JAKMIP1: variants seen among roughly 807,000 people sequenced by gnomAD.
JAKMIP1 encodes the protein janus kinase and microtubule-interacting protein 1.
Under a neutral mutation model 113.0 loss-of-function variants are expected in JAKMIP1, and 33 were observed. The observed-to-expected ratio is 0.29, with a 90% CI of 0.22 to 0.39. The LOEUF (loss-of-function observed/expected upper bound fraction) is 0.39. Among genes scored for constraint, JAKMIP1 ranks in the 10% least tolerant of loss-of-function variants. The pLI, the probability that JAKMIP1 is intolerant of heterozygous loss-of-function variation, is 1.00. For missense variants in JAKMIP1, 813 were observed against 1,080.5 expected (o/e 0.75, Z 3.47); for synonymous variants, 480 against 459.9 (o/e 1.04, Z -0.56).
intron 3 of JAKMIP1, among the ~76,000 whole-genome samples, chr4:6,098,580 A>AAGAAAG (rs1712292994): frequency 6.8e-6 from 1 of 147,366 alleles, no homozygotes; most frequent in Non-Finnish European, 1.5e-5. Flanking sequence ...GAAAGAAAGA[A>AAGAAAG]AGAAGGAAAG....
At chr4:6,090,735 G>T (rs1007758119) in intron 3 of JAKMIP1, among the ~76,000 whole-genome samples, 4 of 151,958 alleles carry the variant, frequency 2.6e-5, no homozygotes, top group Admixed American at 2.0e-4. Context: ...TGTTGACCGT[G>T]ACTGCCTTAA....
chr4:6,060,670 G>A (rs1225750478), intron 10 of JAKMIP1, among the ~76,000 whole-genome samples, 163 bp from the exon 11 acceptor site: 2 of 152,230 alleles, frequency 1.3e-5, no homozygotes, highest in African/African-American at 4.8e-5. Flanking sequence ...CCTACTAGAA[G>A]CATGGCTCAG....
intron 1 of JAKMIP1, among the ~76,000 whole-genome samples, chr4:6,163,346 C>T (rs1378140561): frequency 6.6e-6 from 1 of 152,202 alleles, no homozygotes; most frequent in Non-Finnish European, 1.5e-5. Context: ...CATTTTCCAT[C>T]ATGGTGATCT....
chr4:6,068,313 C>T (rs535666323), intron 8 of JAKMIP1, among the ~76,000 whole-genome samples: 3 of 152,146 alleles, frequency 2.0e-5, no homozygotes, highest in Non-Finnish European at 2.9e-5. Context: ...GTGGAGCCCC[C>T]GACAGTATCA....
At chr4:6,159,758 C>A (rs1369342339) in intron 1 of JAKMIP1, among the ~76,000 whole-genome samples, 2 of 152,192 alleles carry the variant, frequency 1.3e-5, no homozygotes, top group African/African-American at 2.4e-5. Flanking sequence ...TGCCGCTGGG[C>A]AATTTCTATT....
chr4:6,156,239 C>G lies in JAKMIP1; in HGVS notation c.-147-43242G>C, dbSNP rs1560289934. Reference sequence around the variant, plus strand: ...CCAGCCCTCGGAAGTGGCCCGCCAACACAGGAACAAGCGAATGCCACTGTA... The same window carrying G: ...CCAGCCCTCGGAAGTGGCCCGCCAAGACAGGAACAAGCGAATGCCACTGTA... On this transcript the variant is annotated intron_variant, in intron 1 of 20. Coordinates refer to ENST00000409021, the MANE Select transcript of JAKMIP1 (RefSeq NM_001099433.2). The surrounding 1 kb of genome is among the most constrained non-coding windows in gnomAD (Gnocchi z 5.0). Among the ~76,000 whole-genome samples the G allele has an allele frequency of 6.6e-6, 1 of 152,342 alleles. No individual in the cohort carries two copies. Among genetic ancestry groups the G allele is most frequent in the East Asian group, 1.9e-4 (1 of 5,184 alleles).
At chr4:6,165,922 C>G (rs1206531505) in intron 1 of JAKMIP1, among the ~76,000 whole-genome samples, 1 of 152,112 alleles carries the variant, frequency 6.6e-6, no homozygotes, top group East Asian at 1.9e-4. Context: ...CACTCCACCC[C>G]AAGGCTCTAG....
chr4:6,028,717 C>T (rs752752293), intron 20 of JAKMIP1, among the ~76,000 whole-genome samples: 1 of 152,336 alleles, frequency 6.6e-6, no homozygotes, highest in South Asian at 2.1e-4. Flanking sequence ...AGGGCTGATC[C>T]CACAGTGTCC....
Position 6,178,131 on chromosome 4 carries a change from A to T in JAKMIP1, c.-148+22122T>A, listed in dbSNP as rs1472641031. 6.6e-6 allele frequency among the ~76,000 whole-genome samples: 1 copy of T among 152,236 alleles called. No individual in the cohort carries two copies. Among genetic ancestry groups the T allele is most frequent in the African/African-American group, 2.4e-5 (1 of 41,468 alleles). On this transcript the variant is annotated intron_variant, in intron 1 of 20. Coordinates refer to ENST00000409021, the MANE Select transcript of JAKMIP1 (RefSeq NM_001099433.2). The surrounding 1 kb of genome is among the most constrained non-coding windows in gnomAD (Gnocchi z 5.5). Reference sequence around the variant, plus strand: ...CCTCCCTGGAGGGGAGGGATAGGAAAGAAGGAAACAGAAGCCCAAGGCTTT... The same window carrying T: ...CCTCCCTGGAGGGGAGGGATAGGAATGAAGGAAACAGAAGCCCAAGGCTTT...
chr4:6,174,694 G>A (rs764333144), intron 1 of JAKMIP1, among the ~76,000 whole-genome samples: 30 of 152,030 alleles, frequency 2.0e-4, no homozygotes, highest in Non-Finnish European at 3.5e-4. Context: ...AACACGCTCC[G>A]TTACCCCAGG....
chr4:6,056,770 G>A lies in JAKMIP1; in HGVS notation c.1645-11C>T, dbSNP rs16838131. The A allele has an allele frequency of 4.4e-3, 7,085 of 1,592,416 alleles. 206 individuals carry two copies. The African/African-American group carries it at 0.074, about 17-fold the overall frequency. ...AACCCACTTGGAATCCTAAGGAAAA[G>A]TACTAAATATGGTCACATTCATGGA... On this transcript the variant is annotated splice_polypyrimidine_tract_variant and intron_variant, in intron 11 of 20. Transcript: ENST00000409021.
chr4:6,169,995 C>T (rs111528949), intron 1 of JAKMIP1, among the ~76,000 whole-genome samples: 57 of 97,240 alleles, frequency 5.9e-4, no homozygotes, highest in Non-Finnish European at 4.2e-4. Flanking sequence ...CCACCACCAC[C>T]ACCACCACCA....
At chr4:6,077,725 C>T (rs1333583549) in intron 8 of JAKMIP1, among the ~76,000 whole-genome samples, 6 of 152,020 alleles carry the variant, frequency 3.9e-5, no homozygotes, top group Admixed American at 3.9e-4. Context: ...CTCAAGCGAT[C>T]CACCCACCCT....
chr4:6,141,629 C>T lies in JAKMIP1; in HGVS notation c.-147-28632G>A, dbSNP rs1425189670. 6.6e-6 allele frequency among the ~76,000 whole-genome samples: 1 copy of T among 152,312 alleles called. No homozygotes were observed. The highest frequency in any genetic ancestry group is 2.4e-5 in the African/African-American group (1 of 41,576). The stretch of plus-strand genomic sequence containing the variant: ...GCCTGTGAATGCCCTTTCTCCTCCA[C>T]TCCCAAATCCACATGATTCTCCATC... On this transcript the variant is annotated intron_variant, in intron 1 of 20. Coordinates refer to ENST00000409021, the MANE Select transcript of JAKMIP1 (RefSeq NM_001099433.2). The surrounding 1 kb of genome is among the most constrained non-coding windows in gnomAD (Gnocchi z 9.4).
intron 1 of JAKMIP1, among the ~76,000 whole-genome samples, chr4:6,170,912 GCCA>G (rs1724540684): frequency 9.3e-6 from 1 of 106,976 alleles, no homozygotes; most frequent in Non-Finnish European, 2.0e-5. Context: ...CACCATCACC[GCCA>G]CCACCTTTCT....
chr4:6,132,859 T>C (rs1718700315), intron 1 of JAKMIP1, among the ~76,000 whole-genome samples: 1 of 152,138 alleles, frequency 6.6e-6, no homozygotes, highest in African/African-American at 2.4e-5. Context: ...TTTGTTTCTG[T>C]GCTACAAGAA....
chr4:6,056,568 G>T lies in JAKMIP1; in HGVS notation c.1707+129C>A. On this transcript the variant is annotated intron_variant, in intron 12 of 20. Coordinates refer to ENST00000409021, the MANE Select transcript of JAKMIP1 (RefSeq NM_001099433.2). ...GAAGACATCTCTCCTCATGGGAGGT[G>T]TGCAGGACCCGAGGCCCTGGTCACT... The T allele has an allele frequency of 5.6e-6, 4 of 714,424 alleles. No homozygotes were observed. In the Admixed American group the frequency reaches 7.9e-5, roughly 14 times the overall value. 44.3% of individuals were successfully genotyped at this position (714,424 alleles called of 1,614,324 possible).
In JAKMIP1 at chr4:6,116,715, C is replaced by T. The variant is rs529965069; in HGVS notation, c.-147-3718G>A. 3.1e-4 allele frequency among the ~76,000 whole-genome samples: 47 copies of T among 152,258 alleles called. No individual in the cohort carries two copies. The highest frequency in any genetic ancestry group is 1.1e-3 in the African/African-American group (46 of 41,556). On this transcript the variant is annotated intron_variant, in intron 1 of 20. Coordinates refer to ENST00000409021, the MANE Select transcript of JAKMIP1 (RefSeq NM_001099433.2). The surrounding 1 kb of genome is among the most constrained non-coding windows in gnomAD (Gnocchi z 5.1). ...TAACTGCCTACAGGAAATTAATATA[C>T]CGGGCATGCAGGAGGACCAGACAAG... is the stretch of plus-strand genomic sequence containing the variant.
In JAKMIP1 at chr4:6,048,902, C is replaced by T; in HGVS notation, c.1983G>A (p.Gln661=). The T allele has an allele frequency of 6.2e-7, 1 of 1,613,956 alleles. No individual in the cohort carries two copies. Residue 661 remains glutamine (Q), a synonymous_variant, in exon 16 of 21, where the codon CAG becomes CAA. Coordinates refer to ENST00000409021, the MANE Select transcript of JAKMIP1 (RefSeq NM_001099433.2). ...GDNGNLRNEE[Q]VAIIQAGTVL... is the part of the protein sequence containing the mutation. ...CAGTTCCAGCTTGGATTATTGCAAC[C>T]TGTTCTTCATTTCTCAAATTCTAAA...
Sources: gnomAD v4.1 joint callset for allele counts (sites outside exome capture counted in the v4.1 genomes callset) on GRCh38, gnomAD v4.1.1 for gene constraint, Gnocchi (gnomAD v3.1) non-coding constraint, MANE v1.5 for transcripts, NCBI Gene and HGNC (gene_info 2026-07-23, HGNC 2026-07-21) for gene names.